The following HTR1E variants were observed in gnomAD, a reference collection of about 807,000 sequenced individuals.
The protein encoded by HTR1E is 5-hydroxytryptamine receptor 1E, also known as 5-HT-1E.
Under a neutral mutation model 3.4 loss-of-function variants are expected in HTR1E, and 3 were observed. The observed-to-expected ratio is 0.89, with a 90% CI of 0.41 to 2.31. HTR1E has a LOEUF of 2.31. HTR1E is among the 30% of genes most tolerant of loss of function. The pLI is 0.05. For synonymous variants in HTR1E, 170 were observed against 182.8 expected (o/e 0.93, Z 0.56); for missense variants, 392 against 467.0 (o/e 0.84, Z 1.48).
chr6:86,944,098 A>G (rs1768583168), intron 1 of HTR1E, among the ~76,000 whole-genome samples: 1 of 152,246 alleles, frequency 6.6e-6, no homozygotes, highest in Non-Finnish European at 1.5e-5. Flanking sequence ...CTATAGGGCT[A>G]CTAACAAAAC....
At chr6:87,014,451 A>G (rs1021680275) in intron 1 of HTR1E, among the ~76,000 whole-genome samples, 1 of 152,150 alleles carries the variant, frequency 6.6e-6, no homozygotes, top group African/African-American at 2.4e-5. Context: ...CAATCCTATT[A>G]CTGGGTATAT....
At chr6:86,945,604 A>T (rs1768605040) in intron 1 of HTR1E, among the ~76,000 whole-genome samples, 1 of 152,190 alleles carries the variant, frequency 6.6e-6, no homozygotes, top group Non-Finnish European at 1.5e-5. Flanking sequence ...AAGTTTATAA[A>T]ATAATGTTAT....
Position 87,016,081 on chromosome 6 carries a change from C to T in HTR1E, c.747C>T (p.Thr249=). The T allele has an allele frequency of 6.2e-7, 1 of 1,614,156 alleles. No homozygotes were observed. The highest frequency in any genetic ancestry group is 8.5e-7 in the Non-Finnish European group (1 of 1,180,022). ...TQTFCVSDFS[T]SDPTTEFEKF... ...CTTTCTGTGTGTCTGACTTCTCCAC[C>T]TCAGACCCTACCACAGAGTTTGAAA... The change falls in exon 2 of 2, where the codon ACC becomes ACT. Residue 249 remains threonine (T), a synonymous_variant. Coordinates refer to ENST00000305344, the MANE Select transcript of HTR1E (RefSeq NM_000865.3).
intron 1 of HTR1E, among the ~76,000 whole-genome samples, chr6:86,949,621 T>C (rs1362339221): frequency 6.6e-6 from 1 of 152,126 alleles, no homozygotes; most frequent in Non-Finnish European, 1.5e-5. Flanking sequence ...GGCCAGAAAA[T>C]AGATTTAAGT....
intron 1 of HTR1E, among the ~76,000 whole-genome samples, chr6:86,985,980 T>TA (rs1419083623): frequency 6.6e-6 from 1 of 152,206 alleles, no homozygotes; most frequent in Non-Finnish European, 1.5e-5. Context: ...TATCACAGAT[T>TA]AAATTTACTG....
At chr6:86,984,236 AT>A (rs1562067343) in intron 1 of HTR1E, among the ~76,000 whole-genome samples, 2 of 152,198 alleles carry the variant, frequency 1.3e-5, no homozygotes, top group Non-Finnish European at 2.9e-5. Flanking sequence ...TATTTCATAT[AT>A]TTCATTATAT....
chr6:86,989,590 A>C (rs1439324047), intron 1 of HTR1E, among the ~76,000 whole-genome samples: 1 of 152,178 alleles, frequency 6.6e-6, no homozygotes, highest in African/African-American at 2.4e-5. Context: ...AAAAAGCAGT[A>C]GTTTCTAACC....
At chr6:86,981,993 T>C (rs1214195387) in intron 1 of HTR1E, among the ~76,000 whole-genome samples, 2 of 147,996 alleles carry the variant, frequency 1.4e-5, no homozygotes, top group East Asian at 4.2e-4. Context: ...GTGATGTATC[T>C]GAACCCTTAG....
At chr6:86,960,290 G>A (rs1767386955) in intron 1 of HTR1E, among the ~76,000 whole-genome samples, 1 of 152,126 alleles carries the variant, frequency 6.6e-6, no homozygotes, top group Admixed American at 6.5e-5. Context: ...CTTGGCGGAA[G>A]TGCAGAAAAG....
intron 1 of HTR1E, among the ~76,000 whole-genome samples, chr6:87,000,779 T>A (rs1311537155): frequency 6.6e-6 from 1 of 152,150 alleles, no homozygotes; most frequent in African/African-American, 2.4e-5. Flanking sequence ...AGGGGGACAT[T>A]AATGAGCAAT....
At chr6:86,993,280 A>T (rs1248380899) in intron 1 of HTR1E, among the ~76,000 whole-genome samples, 2 of 152,116 alleles carry the variant, frequency 1.3e-5, no homozygotes, top group Non-Finnish European at 2.9e-5. Flanking sequence ...TTTAAAAAAA[A>T]AAAGATGGTA....
intron 1 of HTR1E, among the ~76,000 whole-genome samples, chr6:86,993,950 A>G (rs1483543299): frequency 6.6e-6 from 1 of 152,162 alleles, no homozygotes; most frequent in East Asian, 1.9e-4. Flanking sequence ...ATAAAGAAGA[A>G]CCAAGTTGAC....
At chr6:86,940,200 A>G (rs920068508) in intron 1 of HTR1E, among the ~76,000 whole-genome samples, 5 of 152,058 alleles carry the variant, frequency 3.3e-5, no homozygotes, top group African/African-American at 1.2e-4. Flanking sequence ...TGGGCTCAAT[A>G]TGCTACCCCC....
At chr6:86,983,208 T>C (rs1278651381) in intron 1 of HTR1E, among the ~76,000 whole-genome samples, 1 of 152,202 alleles carries the variant, frequency 6.6e-6, no homozygotes, top group Non-Finnish European at 1.5e-5. Flanking sequence ...AACTCTTCAT[T>C]GTTTCAACTG....
At chr6:86,957,069 T>C (rs1280016360) in intron 1 of HTR1E, among the ~76,000 whole-genome samples, 1 of 152,258 alleles carries the variant, frequency 6.6e-6, no homozygotes, top group Non-Finnish European at 1.5e-5. Context: ...AGATTTAGCA[T>C]GATTATTGAA....
chr6:86,997,541 T>C (rs563489313), intron 1 of HTR1E, among the ~76,000 whole-genome samples: 1 of 151,916 alleles, frequency 6.6e-6, no homozygotes, highest in African/African-American at 2.4e-5. Context: ...TTTTATATCC[T>C]AAAAATATAT....
chr6:86,950,459 T>C (rs947256724), intron 1 of HTR1E, among the ~76,000 whole-genome samples: 2 of 152,124 alleles, frequency 1.3e-5, no homozygotes, highest in African/African-American at 2.4e-5. Flanking sequence ...AGCAGTTAGG[T>C]TGGAATTCAG....
At chr6:86,995,525 G>T (rs1767925157) in intron 1 of HTR1E, among the ~76,000 whole-genome samples, 1 of 150,524 alleles carries the variant, frequency 6.6e-6, no homozygotes, top group African/African-American at 2.4e-5. Flanking sequence ...AATTAGCCAG[G>T]CGTGGTGACA....
In HTR1E at chr6:86,987,935, C is replaced by A. The variant is rs145416587; in HGVS notation, c.-185-27215C>A. Among the ~76,000 whole-genome samples the A allele has an allele frequency of 1.1e-3, 160 of 152,286 alleles. 1 individual carries two copies. The highest frequency in any genetic ancestry group is 3.4e-3 in the Middle Eastern group (1 of 294). ...AAGGCTCCACCTTTTAGTACTAACACATTGGCAACACCTGACTTTCGGAGA... is the reference window on the plus strand; with the variant it reads ...AAGGCTCCACCTTTTAGTACTAACAAATTGGCAACACCTGACTTTCGGAGA... On this transcript the variant is annotated intron_variant, in intron 1 of 1. Transcript: ENST00000305344.
Sources: allele counts gnomAD v4.1 joint callset (sites outside exome capture counted in the v4.1 genomes callset), GRCh38; gene constraint gnomAD v4.1.1; transcripts MANE v1.5; gene names NCBI Gene and HGNC (gene_info 2026-07-23, HGNC 2026-07-21).